The following ZNF423 variants were observed in gnomAD, a reference collection of about 807,000 sequenced individuals.
The protein encoded by ZNF423 is Ebf-associated zinc finger protein.
ZNF423 carries 12 observed loss-of-function variants against 95.8 expected under a neutral mutation model. The observed-to-expected ratio is 0.13, with a 90% CI of 0.08 to 0.20. The LOEUF (loss-of-function observed/expected upper bound fraction) is 0.20, where lower values mean the gene tolerates loss of function less well. ZNF423 is among the 10% of genes least tolerant of loss of function. ZNF423 has a pLI of 1.00. For missense variants in ZNF423, 1,316 were observed against 1,737.1 expected (o/e 0.76, Z 4.31); for synonymous variants, 749 against 711.9 (o/e 1.05, Z -0.83).
At chr16:49,681,488 G>T (rs1400748905) in intron 3 of ZNF423, among the ~76,000 whole-genome samples, 1 of 152,222 alleles carries the variant, frequency 6.6e-6, no homozygotes, top group African/African-American at 2.4e-5. Flanking sequence ...AAAGCAAATG[G>T]GGCAGATGTA....
chr16:49,534,239 T>C (rs911072796), intron 5 of ZNF423, among the ~76,000 whole-genome samples: 6 of 7,654 alleles, frequency 7.8e-4, no homozygotes, highest in Middle Eastern at 0.05. Flanking sequence ...CTTCTCCTTC[T>C]TTTTTTTTGT....
At chr16:49,580,488 C>A (rs185673752) in intron 5 of ZNF423, among the ~76,000 whole-genome samples, 2 of 152,300 alleles carry the variant, frequency 1.3e-5, no homozygotes, top group East Asian at 3.9e-4. Flanking sequence ...TGAAGCAGAG[C>A]AGTCTCTCAA....
intron 5 of ZNF423, among the ~76,000 whole-genome samples, chr16:49,533,648 G>A (rs1968940441): frequency 6.6e-6 from 1 of 152,336 alleles, no homozygotes; most frequent in African/African-American, 2.4e-5. Flanking sequence ...CCCCCGACTA[G>A]CCCTTGTTTC....
chr16:49,760,915 AACAC>A (rs112034770), intron 2 of ZNF423, among the ~76,000 whole-genome samples: 477 of 148,284 alleles, frequency 3.2e-3, no homozygotes, highest in African/African-American at 0.011. Flanking sequence ...ACCTCCCTCC[AACAC>A]ACACACACAC....
At chr16:49,616,696 C>T (rs531117957) in intron 5 of ZNF423, among the ~76,000 whole-genome samples, 2 of 152,238 alleles carry the variant, frequency 1.3e-5, no homozygotes, top group Admixed American at 1.3e-4. Context: ...TGGAGCTACT[C>T]CTTCTGGGTC....
chr16:49,579,455 A>G (rs1237285523), intron 5 of ZNF423, among the ~76,000 whole-genome samples: 5 of 152,098 alleles, frequency 3.3e-5, no homozygotes, highest in Non-Finnish European at 5.9e-5. Context: ...GACTGGGAAA[A>G]TCAGCTACCT....
intron 3 of ZNF423, among the ~76,000 whole-genome samples, chr16:49,687,218 C>T (rs556023838): frequency 1.3e-5 from 2 of 152,030 alleles, no homozygotes; most frequent in Admixed American, 1.3e-4. Context: ...GCTGGGTGGG[C>T]AGGGCCTTCC....
rs1021927334 is a variant in ZNF423 at position 49,656,537 on chromosome 16, G to A, written c.302-17663C>T. On this transcript the variant is annotated intron_variant, in intron 3 of 7. Transcript: ENST00000563137. ...AAAAAAAAGAAAAAAAAAGGCAAGT[G>A]GGTAAATGGATGACCAAGTTCATCT... Among the ~76,000 whole-genome samples, 15 of 151,950 alleles carry A rather than the reference G, an allele frequency of 9.9e-5. No homozygotes were observed. In the South Asian group the frequency reaches 1.3e-3, roughly 13 times the overall value.
intron 3 of ZNF423, among the ~76,000 whole-genome samples, chr16:49,646,505 C>A (rs540815754): frequency 6.6e-6 from 1 of 151,980 alleles, no homozygotes; most frequent in African/African-American, 2.4e-5. Flanking sequence ...GATGGAGAAA[C>A]TGAGGCAACA....
At chr16:49,812,454 G>A (rs2034768388) in intron 1 of ZNF423, among the ~76,000 whole-genome samples, 1 of 152,192 alleles carries the variant, frequency 6.6e-6, no homozygotes, top group South Asian at 2.1e-4. Context: ...AGCACTCTAG[G>A]AGGCCAAAGT....
In ZNF423 at chr16:49,766,745, G is replaced by A. The variant is rs374646789; in HGVS notation, c.100+22742C>T. Among the ~76,000 whole-genome samples the A allele has an allele frequency of 3.9e-5, 6 of 152,156 alleles. No individual in the cohort carries two copies. In the East Asian group the frequency reaches 1.2e-3, roughly 29 times the overall value. ...AGCAACAGCTTCAGCAGTGCAGACC[G>A]AGCCTCGGTCCCTCAGAGGCCAGGC... On this transcript the variant is annotated intron_variant, in intron 2 of 7. Coordinates refer to ENST00000563137, the MANE Select transcript of ZNF423 (RefSeq NM_001379286.1).
intron 1 of ZNF423, among the ~76,000 whole-genome samples, chr16:49,830,040 C>A (rs956748733): frequency 9.9e-5 from 15 of 152,146 alleles, no homozygotes; most frequent in African/African-American, 3.4e-4. Context: ...GAACTGTAAA[C>A]AAGTGAATAC....
intron 2 of ZNF423, among the ~76,000 whole-genome samples, chr16:49,776,759 A>C (rs1802877333): frequency 6.6e-6 from 1 of 152,214 alleles, no homozygotes; most frequent in Admixed American, 6.5e-5. Flanking sequence ...CACTGGGCCC[A>C]AGTGCAGGGG....
rs540954262 is a variant in ZNF423 at position 49,688,398 on chromosome 16, T to G, written c.301+42373A>C. Reference sequence around the variant, plus strand: ...AGAAATCATTTCAACAGAAAAGACATAGGAGCCCGCCCTCTTGCTCCATAG... The same window carrying G: ...AGAAATCATTTCAACAGAAAAGACAGAGGAGCCCGCCCTCTTGCTCCATAG... On this transcript the variant is annotated intron_variant, in intron 3 of 7. Coordinates refer to ENST00000563137, the MANE Select transcript of ZNF423 (RefSeq NM_001379286.1). 2.0e-5 allele frequency among the ~76,000 whole-genome samples: 3 copies of G among 152,284 alleles called. No homozygotes were observed. The South Asian group carries it at 6.2e-4, about 32-fold the overall frequency.
intron 5 of ZNF423, among the ~76,000 whole-genome samples, chr16:49,580,313 C>T (rs150209556): frequency 1.7e-4 from 26 of 152,290 alleles, no homozygotes; most frequent in Non-Finnish European, 2.8e-4. Context: ...GCTTGACCAA[C>T]ATCCTCCCAA....
At chr16:49,717,397 G>A (rs1375867711) in intron 3 of ZNF423, among the ~76,000 whole-genome samples, 1 of 152,222 alleles carries the variant, frequency 6.6e-6, no homozygotes, top group Non-Finnish European at 1.5e-5. Flanking sequence ...TGCTGTCTAG[G>A]TTAAATGGCC....
chr16:49,773,812 G>A (rs1268929824), intron 2 of ZNF423, among the ~76,000 whole-genome samples: 1 of 152,174 alleles, frequency 6.6e-6, no homozygotes, highest in African/African-American at 2.4e-5. Context: ...AAGTGCGCCC[G>A]CAAGGACTCA....
chr16:49,742,787 C>T (rs568937451), intron 2 of ZNF423, among the ~76,000 whole-genome samples: 1 of 152,140 alleles, frequency 6.6e-6, no homozygotes, highest in Non-Finnish European at 1.5e-5. Context: ...AAATCACCCC[C>T]CTTGTGGCTG....
chr16:49,615,128 T>TCACACACACACACACA lies in ZNF423; in HGVS notation c.3601+11041_3601+11042insTGTGTGTGTGTGTGTG, dbSNP rs557190259. Among the ~76,000 whole-genome samples, 455 of 98,464 alleles carry TCACACACACACACACA rather than the reference T, an allele frequency of 4.6e-3. 2 individuals are homozygous for TCACACACACACACACA. Among genetic ancestry groups the TCACACACACACACACA allele is most frequent in the African/African-American group, 0.015 (397 of 26,930 alleles). The allele number at this position is 98,464 out of a possible 152,430, so 64.6% of individuals were successfully genotyped here. A position where few individuals can be genotyped will look rare whatever the true frequency, so the allele number is the denominator to read the frequency against. ...CCTGGGCAACAAGAAAGAAACTCCATCTCACACACACACACACACACACAC... is the reference window on the plus strand; with the variant it reads ...CCTGGGCAACAAGAAAGAAACTCCATCACACACACACACACACTCACACACACACACACACACACAC... On this transcript the variant is annotated intron_variant, in intron 5 of 7. Transcript: ENST00000563137.
Sources: allele counts gnomAD v4.1 joint callset (sites outside exome capture counted in the v4.1 genomes callset), GRCh38; gene constraint gnomAD v4.1.1; transcripts MANE v1.5; gene names NCBI Gene and HGNC (gene_info 2026-07-23, HGNC 2026-07-21).